The following AXL variants were observed in gnomAD, a reference collection of about 807,000 sequenced individuals.
AXL encodes AXL receptor tyrosine kinase, also known as tyrosine-protein kinase receptor UFO.
In AXL, 52 loss-of-function variants were observed where a neutral mutation model predicts 104.5. The observed-to-expected ratio is 0.50, with a 90% CI of 0.40 to 0.63. The LOEUF is 0.63. Among genes scored for constraint, AXL ranks in the 20% least tolerant of loss-of-function variants. The probability of loss-of-function intolerance (pLI) is 0.00; values close to 1 mark genes in which losing one functional copy is unlikely to be tolerated. For synonymous variants in AXL, 455 were observed against 473.7 expected (o/e 0.96, Z 0.51); for missense variants, 1,024 against 1,188.5 (o/e 0.86, Z 2.04).
chr19:41,241,739 A>G (rs1440378349), intron 10 of AXL, among the ~76,000 whole-genome samples: 1 of 151,548 alleles, frequency 6.6e-6, no homozygotes, highest in Non-Finnish European at 1.5e-5. Context: ...GCTACTTAGA[A>G]GCTGAGGCAG....
chr19:41,221,773 C>T (rs958545227), intron 3 of AXL, 107 bp from the exon 4 acceptor site: 1 of 1,245,054 alleles, frequency 8.0e-7, no homozygotes, highest in African/African-American at 1.5e-5. Context: ...AAGTCAATGA[C>T]CCTGCAGGGT....
At chr19:41,256,728 C>T in intron 18 of AXL, 117 bp downstream of exon 18, 1 of 1,383,594 alleles carries the variant, frequency 7.2e-7, no homozygotes, top group Non-Finnish European at 9.9e-7. Flanking sequence ...CTTCCCTTTG[C>T]AGGGGCTTGT....
intron 4 of AXL, among the ~76,000 whole-genome samples, chr19:41,225,407 C>T (rs2033862223): frequency 6.6e-6 from 1 of 152,114 alleles, no homozygotes; most frequent in Non-Finnish European, 1.5e-5. Context: ...GAGGTGTACG[C>T]GTCGGTGTGT....
intron 6 of AXL, among the ~76,000 whole-genome samples, chr19:41,236,517 A>G (rs2034082193): frequency 6.6e-6 from 1 of 151,774 alleles, no homozygotes; most frequent in Non-Finnish European, 1.5e-5. Context: ...ACGGTGGCTC[A>G]CACCTGTAAT....
intron 6 of AXL, among the ~76,000 whole-genome samples, chr19:41,236,635 G>T (rs1421737390): frequency 2.0e-5 from 3 of 151,468 alleles, no homozygotes; most frequent in Non-Finnish European, 2.9e-5. Context: ...ACGGCAATTA[G>T]TCGGGCGTGG....
At position 41,252,844 on chromosome 19, in the gene AXL, A is replaced by G; in HGVS notation, c.1805-2A>G. Reference sequence around the variant, plus strand: ...AGTGACAGGGCTACCTGGGGGGCTCAGGTGTCTGTTTCCAGGGTTCTGAAC... The same window carrying G: ...AGTGACAGGGCTACCTGGGGGGCTCGGGTGTCTGTTTCCAGGGTTCTGAAC... On this transcript the variant is annotated splice_acceptor_variant, in intron 15 of 19. Transcript: ENST00000301178. LOFTEE classifies it high-confidence loss of function. 6.2e-7 allele frequency: 1 copy of G among 1,613,842 alleles called. No homozygotes were observed. The highest frequency in any genetic ancestry group is 1.1e-5 in the South Asian group (1 of 91,060).
intron 2 of AXL, 101 bp downstream of exon 2, chr19:41,220,959 C>T (rs755072118): frequency 1.0e-4 from 138 of 1,383,064 alleles, no homozygotes; most frequent in African/African-American, 5.2e-4. Flanking sequence ...GTCAGCCGTG[C>T]GGCTTTGAGC....
rs751798024 is a variant in AXL at position 41,252,331 on chromosome 19, AC to A, written c.1712-18del. 1.2e-5 allele frequency: 19 copies of A among 1,611,110 alleles called. No individual in the cohort carries two copies. In the South Asian group the frequency reaches 1.9e-4, roughly 16 times the overall value. The stretch of plus-strand genomic sequence containing the variant: ...TCCCTCTCCTCCCCTCCTCCTCACG[AC>A]CTTTCTCTCTCCCTCAAGTTGCCAT... On this transcript the variant is annotated intron_variant, in intron 14 of 19. Transcript: ENST00000301178.
At chr19:41,233,117 G>A (rs1400592850) in intron 6 of AXL, among the ~76,000 whole-genome samples, 5 of 151,856 alleles carry the variant, frequency 3.3e-5, no homozygotes. Flanking sequence ...AGCCTCCTGA[G>A]TAGCTGGTAT....
At chr19:41,237,916 C>G in intron 6 of AXL, 28 bp from the exon 7 acceptor site, 1 of 1,601,948 alleles carries the variant, frequency 6.2e-7, no homozygotes, top group African/African-American at 1.3e-5. Context: ...CTTGGCTGTC[C>G]CGTCCTCACA....
In AXL at chr19:41,229,305, C is replaced by T. The variant is rs183206743; in HGVS notation, c.587-1662C>T. ...TTGAGACAGGGTCTCACTCTGTCAC[C>T]CAGGTTGGAGTGCAGTGGTGTGATC... On this transcript the variant is annotated intron_variant, in intron 4 of 19. Coordinates refer to ENST00000301178, the MANE Select transcript of AXL (RefSeq NM_021913.5). 9.2e-5 allele frequency among the ~76,000 whole-genome samples: 14 copies of T among 151,946 alleles called. No homozygotes were observed. The East Asian group carries it at 2.7e-3, about 29-fold the overall frequency.
chr19:41,259,101 C>A (rs1014955267), intron 19 of AXL, among the ~76,000 whole-genome samples: 14 of 152,192 alleles, frequency 9.2e-5, no homozygotes, highest in Non-Finnish European at 1.5e-5. Flanking sequence ...AAGTCACACA[C>A]ACCATCACTT....
chr19:41,254,285 G>A (rs1425113715), intron 17 of AXL, among the ~76,000 whole-genome samples: 6 of 148,900 alleles, frequency 4.0e-5, no homozygotes, highest in Non-Finnish European at 5.9e-5. Flanking sequence ...ATCCCAACAC[G>A]AGAATTGCTT....
At chr19:41,230,413 TGTAAGA>T (rs1032471500) in intron 4 of AXL, among the ~76,000 whole-genome samples, 1 of 150,224 alleles carries the variant, frequency 6.7e-6, no homozygotes, top group African/African-American at 2.5e-5. Context: ...CTATCTGGGG[TGTAAGA>T]GTGAGTGTGC....
At chr19:41,247,903 TTA>T (rs1334110587) in intron 12 of AXL, among the ~76,000 whole-genome samples, 1 of 98,224 alleles carries the variant, frequency 1.0e-5, no homozygotes, top group Non-Finnish European at 2.2e-5. Flanking sequence ...TATTTTTATT[TTA>T]TTTTATTTTA....
At chr19:41,223,063 G>A (rs998786058) in intron 4 of AXL, among the ~76,000 whole-genome samples, 4 of 152,104 alleles carry the variant, frequency 2.6e-5, no homozygotes, top group African/African-American at 9.7e-5. Flanking sequence ...GGGAGGCTGA[G>A]GCAGGTGGAT....
chr19:41,258,801 C>G (rs1344899633), intron 19 of AXL, among the ~76,000 whole-genome samples: 2 of 152,172 alleles, frequency 1.3e-5, no homozygotes, highest in Non-Finnish European at 2.9e-5. Context: ...AAACAACAAA[C>G]GTTTATTATC....
chr19:41,259,569 C>A lies in AXL; in HGVS notation c.2350C>A (p.Arg784=). 6.2e-7 allele frequency: 1 copy of A among 1,606,150 alleles called. No homozygotes were observed. Among genetic ancestry groups the A allele is most frequent in the Non-Finnish European group, 8.5e-7 (1 of 1,175,578 alleles). ...CLDGLYALMS[R]CWELNPQDRP... ...CTGCCCTAGGTATGCCTTGATGTCGCGGTGCTGGGAGCTAAATCCCCAGGA... is the reference window on the plus strand; with the variant it reads ...CTGCCCTAGGTATGCCTTGATGTCGAGGTGCTGGGAGCTAAATCCCCAGGA... Residue 784 remains arginine (R), a synonymous_variant, in exon 20 of 20, where the codon CGG becomes AGG. Transcript: ENST00000301178.
rs569879428 is a variant in AXL, at chr19:41,250,695, C to T, written c.1712-1656C>T. ...TGACCTCATGATCCACCTGCCTCGG[C>T]ATCCCAAAGTGCTGGGATTACAGGT... On this transcript the variant is annotated intron_variant, in intron 14 of 19. Coordinates refer to ENST00000301178, the MANE Select transcript of AXL (RefSeq NM_021913.5). 2.6e-5 allele frequency among the ~76,000 whole-genome samples: 4 copies of T among 152,308 alleles called. No homozygotes were observed. The South Asian group carries it at 8.3e-4, about 32-fold the overall frequency.
Sources: gnomAD v4.1 joint callset for allele counts (sites outside exome capture counted in the v4.1 genomes callset) on GRCh38, gnomAD v4.1.1 for gene constraint, MANE v1.5 for transcripts, NCBI Gene and HGNC (gene_info 2026-07-23, HGNC 2026-07-21) for gene names.